The following PLCB1 variants were observed in gnomAD, a reference collection of about 807,000 sequenced individuals.
PLCB1 encodes the protein phospholipase C beta 1.
In PLCB1, 46 loss-of-function variants were observed where a neutral mutation model predicts 161.8. The observed-to-expected ratio is 0.28, with a 90% confidence interval of 0.22 to 0.36. PLCB1 has a LOEUF of 0.36. Ranked by LOEUF, PLCB1 falls within the 10% of genes least tolerant of loss-of-function variation. PLCB1 has a pLI of 1.00. For synonymous variants in PLCB1, 517 were observed against 503.7 expected (o/e 1.03, Z -0.35); for missense variants, 1,016 against 1,472.5 (o/e 0.69, Z 5.07).
intron 26 of PLCB1, among the ~76,000 whole-genome samples, chr20:8,765,967 C>T (rs768164516): frequency 6.6e-5 from 10 of 152,274 alleles, no homozygotes; most frequent in Non-Finnish European, 1.2e-4. Context: ...GCATGAGCCA[C>T]CATGCCTGCC....
At chr20:8,375,484 G>T (rs1365597340) in intron 3 of PLCB1, among the ~76,000 whole-genome samples, 1 of 152,104 alleles carries the variant, frequency 6.6e-6, no homozygotes, top group African/African-American at 2.4e-5. Context: ...GTCTTGTACA[G>T]AAAAAGTTGT....
chr20:8,273,206 G>A (rs926869543), intron 2 of PLCB1, among the ~76,000 whole-genome samples: 8 of 152,078 alleles, frequency 5.3e-5, no homozygotes, highest in East Asian at 1.9e-4. Flanking sequence ...AAGGAAGTTG[G>A]CGAGTAACCA....
intron 17 of PLCB1, among the ~76,000 whole-genome samples, chr20:8,728,259 T>A (rs547483510): frequency 6.6e-6 from 1 of 152,248 alleles, no homozygotes; most frequent in South Asian, 2.1e-4. Flanking sequence ...TGTCCAAGGT[T>A]ATTCAGCTAG....
chr20:8,477,867 A>G (rs1409444900), intron 3 of PLCB1, among the ~76,000 whole-genome samples: 2 of 152,216 alleles, frequency 1.3e-5, no homozygotes, highest in Non-Finnish European at 2.9e-5. Context: ...ACTGGGAATA[A>G]CATTTCGGCT....
intron 3 of PLCB1, among the ~76,000 whole-genome samples, chr20:8,456,186 A>G (rs1223072761): frequency 6.6e-6 from 1 of 152,220 alleles, no homozygotes; most frequent in Non-Finnish European, 1.5e-5. Flanking sequence ...CCACACTACT[A>G]TTTTAGCATA....
At chr20:8,613,822 G>A (rs1024389723) in intron 3 of PLCB1, among the ~76,000 whole-genome samples, 1 of 151,578 alleles carries the variant, frequency 6.6e-6, no homozygotes, top group African/African-American at 2.4e-5. Flanking sequence ...TTTTATACAT[G>A]GCAATAAATC....
At chr20:8,841,186 TA>T (rs1175329915) in intron 31 of PLCB1, among the ~76,000 whole-genome samples, 7 of 151,868 alleles carry the variant, frequency 4.6e-5, no homozygotes, top group Non-Finnish European at 8.8e-5. Context: ...ACAATAACTT[TA>T]AAAAAAATAA....
At chr20:8,592,692 G>A (rs888054931) in intron 3 of PLCB1, among the ~76,000 whole-genome samples, 1 of 152,194 alleles carries the variant, frequency 6.6e-6, no homozygotes, top group African/African-American at 2.4e-5. Flanking sequence ...TTCCACTGTG[G>A]CATCACATCA....
At chr20:8,844,803 G>T (rs2146294369) in intron 31 of PLCB1, among the ~76,000 whole-genome samples, 1 of 152,106 alleles carries the variant, frequency 6.6e-6, no homozygotes, top group Admixed American at 6.6e-5. Flanking sequence ...CATCTTAAAA[G>T]ACTACGGATT....
intron 31 of PLCB1, among the ~76,000 whole-genome samples, chr20:8,855,626 A>G (rs1027100421): frequency 1.3e-5 from 2 of 152,234 alleles, no homozygotes; most frequent in African/African-American, 4.8e-5. Flanking sequence ...GAGCAGGAAC[A>G]TTTTGTTCTA....
At chr20:8,681,119 T>TAA (rs1253454150) in intron 9 of PLCB1, among the ~76,000 whole-genome samples, 2,183 of 81,184 alleles carry the variant, frequency 0.027, 116 homozygotes, top group South Asian at 0.032. Context: ...TATATATATA[T>TAA]AATATATATA....
chr20:8,582,378 T>C (rs1431657875), intron 3 of PLCB1, among the ~76,000 whole-genome samples: 2 of 152,124 alleles, frequency 1.3e-5, no homozygotes, highest in Admixed American at 1.3e-4. Flanking sequence ...GATTGACTCA[T>C]AGAGTGGTGT....
At position 8,629,852 on chromosome 20, in the gene PLCB1, TC is replaced by T. The variant is rs1988488719; in HGVS notation, c.384+1422del. The stretch of plus-strand genomic sequence containing the variant: ...TTCTTTCTTTCTTTCTTTCTTTCTT[TC>T]TTTCTTTCTTTCTTTCTTTCTTTCT... On this transcript the variant is annotated intron_variant, in intron 4 of 31. Transcript: ENST00000338037. 6.1e-5 allele frequency among the ~76,000 whole-genome samples: 6 copies of T among 98,640 alleles called. No homozygotes were observed. The South Asian group carries it at 8.9e-4, about 15-fold the overall frequency. 64.7% of individuals were successfully genotyped at this position (98,640 alleles called of 152,430 possible). A position where few individuals can be genotyped will look rare whatever the true frequency, so the allele number is the denominator to read the frequency against.
intron 2 of PLCB1, among the ~76,000 whole-genome samples, chr20:8,276,986 CTTATTATTATTA>C (rs59903648): frequency 2.6e-3 from 240 of 93,334 alleles, no homozygotes; most frequent in Non-Finnish European, 3.7e-3. Flanking sequence ...TCTTCTTCTT[CTTATTATTATTA>C]TTATTATTAT....
At chr20:8,435,140 A>G (rs945337440) in intron 3 of PLCB1, among the ~76,000 whole-genome samples, 2 of 152,234 alleles carry the variant, frequency 1.3e-5, no homozygotes, top group African/African-American at 4.8e-5. Flanking sequence ...CCCCAGTGGC[A>G]TGAATGTGTC....
intron 3 of PLCB1, among the ~76,000 whole-genome samples, chr20:8,502,947 C>A (rs967819512): frequency 2.4e-4 from 36 of 152,148 alleles, no homozygotes; most frequent in African/African-American, 8.7e-4. Flanking sequence ...CCACTCTACT[C>A]TGGCCAGTCA....
intron 3 of PLCB1, among the ~76,000 whole-genome samples, chr20:8,468,441 G>A (rs1354324552): frequency 6.6e-6 from 1 of 152,112 alleles, no homozygotes; most frequent in African/African-American, 2.4e-5. Context: ...ACATCTGAAT[G>A]ATTTTGGAAA....
intron 3 of PLCB1, among the ~76,000 whole-genome samples, chr20:8,560,784 C>G (rs1010719746): frequency 6.6e-6 from 1 of 151,872 alleles, no homozygotes; most frequent in African/African-American, 2.4e-5. Context: ...AGTCTTTGAC[C>G]ATATGTGTGT....
At chr20:8,375,327 C>T (rs1987037529) in intron 3 of PLCB1, among the ~76,000 whole-genome samples, 1 of 152,148 alleles carries the variant, frequency 6.6e-6, no homozygotes, top group South Asian at 2.1e-4. Context: ...TGGGTCGTCA[C>T]TTCAAAAAGA....
Sources: gnomAD v4.1 joint callset for allele counts (sites outside exome capture counted in the v4.1 genomes callset) on GRCh38, gnomAD v4.1.1 for gene constraint, MANE v1.5 for transcripts, NCBI Gene and HGNC (gene_info 2026-07-23, HGNC 2026-07-21) for gene names.